The following MFHAS1 variants were observed in gnomAD, a reference collection of about 807,000 sequenced individuals.
MFHAS1 encodes the protein malignant fibrous histiocytoma-amplified sequence 1.
MFHAS1 carries 50 observed loss-of-function variants against 70.4 expected under a neutral mutation model. The ratio of observed to expected loss-of-function variants is 0.71; its 90% CI spans 0.57 to 0.90. MFHAS1 has a LOEUF of 0.90. MFHAS1 is among the 40% of genes least tolerant of loss of function. The pLI is 0.00. For synonymous variants in MFHAS1, 952 were observed against 620.0 expected, an observed-to-expected ratio of 1.54 and a Z score of -7.96; for missense variants, 1,795 against 1,347.6, an observed-to-expected ratio of 1.33 and a Z score of -5.20.
intron 1 of MFHAS1, among the ~76,000 whole-genome samples, chr8:8,834,066 C>A (rs949084326): frequency 9.9e-5 from 15 of 152,030 alleles, no homozygotes; most frequent in African/African-American, 3.4e-4. Flanking sequence ...GCGGAGGCTG[C>A]AGTGAGCCAA....
At position 8,876,472 on chromosome 8, in the gene MFHAS1, T is replaced by A. The variant is rs143933709; in HGVS notation, c.2998+13589A>T. Among the ~76,000 whole-genome samples the A allele has an allele frequency of 1.8e-3, 277 of 152,156 alleles. 1 individual carries two copies. Among genetic ancestry groups the A allele is most frequent in the African/African-American group, 6.5e-3 (270 of 41,554 alleles). On this transcript the variant is annotated intron_variant, in intron 1 of 2. Coordinates refer to ENST00000276282, the MANE Select transcript of MFHAS1 (RefSeq NM_004225.3). ...GTTGTCGGCCGGGCGTGGTGGCACA[T>A]GCCTATAATCCCAGCACTTTGGGAG...
chr8:8,815,950 G>C (rs188534286), intron 1 of MFHAS1, among the ~76,000 whole-genome samples: 1 of 152,266 alleles, frequency 6.6e-6, no homozygotes, highest in East Asian at 1.9e-4. Flanking sequence ...TGGCATATTC[G>C]TACAATAGAC....
chr8:8,799,843 C>A lies in MFHAS1; in HGVS notation c.2999-2352G>T, dbSNP rs184033442. On this transcript the variant is annotated intron_variant, in intron 1 of 2. Transcript: ENST00000276282. The stretch of plus-strand genomic sequence containing the variant: ...CTGATAGCGCAGGCCCATATCAGCA[C>A]TGGGCCTGCAGTTTTAAATGTACAC... Among the ~76,000 whole-genome samples, 310 of 152,338 alleles carry A rather than the reference C, an allele frequency of 2.0e-3. 1 individual carries two copies. The highest frequency in any genetic ancestry group is 2.7e-3 in the Admixed American group (41 of 15,310).
At chr8:8,827,541 C>T (rs1807207874) in intron 1 of MFHAS1, among the ~76,000 whole-genome samples, 3 of 152,250 alleles carry the variant, frequency 2.0e-5, no homozygotes, top group Non-Finnish European at 4.4e-5. Flanking sequence ...AAGCTCACTT[C>T]TAGCAATGAA....
Position 8,891,038 on chromosome 8 carries a change from G to A in MFHAS1, c.2021C>T (p.Pro674Leu). The A allele has an allele frequency of 2.5e-6, 4 of 1,613,752 alleles. No homozygotes were observed. Among genetic ancestry groups the A allele is most frequent in the South Asian group, 2.2e-5 (2 of 91,038 alleles). Residue 674 changes from proline to leucine, a missense_variant, in exon 1 of 3, where the codon CCT becomes CTT. Pro to Leu is a moderately conservative substitution (Grantham distance 98, BLOSUM62 -3). Transcript: ENST00000276282. This position sits in a 1 kb window ranked among gnomAD's most constrained non-coding sequence, Gnocchi z 5.4. ...QVLEELHFQP[P>L]QAQRLWLSWW... ...GCTTAGCCACAGTCGCTGGGCCTGA[G>A]GTGGCTGGAAATGCAGTTCCTCCAG...
At chr8:8,824,724 G>A (rs192999626) in intron 1 of MFHAS1, among the ~76,000 whole-genome samples, 8 of 152,254 alleles carry the variant, frequency 5.3e-5, no homozygotes, top group East Asian at 3.9e-4. Context: ...TGGGTTTAGC[G>A]GTCAGAAGCC....
intron 1 of MFHAS1, among the ~76,000 whole-genome samples, chr8:8,863,951 C>A (rs543441709): frequency 1.3e-5 from 2 of 152,224 alleles, no homozygotes; most frequent in Non-Finnish European, 2.9e-5. Context: ...AGACCCTTCA[C>A]CCATTATGGC....
At chr8:8,878,505 T>C (rs528491879) in intron 1 of MFHAS1, among the ~76,000 whole-genome samples, 26 of 152,248 alleles carry the variant, frequency 1.7e-4, no homozygotes, top group African/African-American at 6.3e-4. Context: ...ATAGGGAGAC[T>C]GATGTGATGA....
At chr8:8,888,209 ACG>A (rs1234358762) in intron 1 of MFHAS1, among the ~76,000 whole-genome samples, 1 of 152,226 alleles carries the variant, frequency 6.6e-6, no homozygotes, top group East Asian at 1.9e-4. Flanking sequence ...GTAACTGAAT[ACG>A]CTGGCTTTTT....
chr8:8,796,238 C>T (rs1805889192), intron 2 of MFHAS1, among the ~76,000 whole-genome samples: 1 of 152,104 alleles, frequency 6.6e-6, no homozygotes, highest in South Asian at 2.1e-4. Context: ...AAGGTGGTGG[C>T]AAACTGCACA....
chr8:8,799,648 C>A (rs1424335047), intron 1 of MFHAS1, among the ~76,000 whole-genome samples: 1 of 152,088 alleles, frequency 6.6e-6, no homozygotes, highest in East Asian at 1.9e-4. Context: ...CTCAGGTATT[C>A]GGGAGGCTGA....
Position 8,846,363 on chromosome 8 carries a change from GAGA to G in MFHAS1, c.2998+43695_2998+43697del, listed in dbSNP as rs149285476. Among the ~76,000 whole-genome samples the G allele has an allele frequency of 4.3e-3, 561 of 131,856 alleles. 10 individuals carry two copies. The highest frequency in any genetic ancestry group is 0.013 in the Admixed American group (173 of 12,986). 86.5% of individuals were successfully genotyped at this position (131,856 alleles called of 152,430 possible). On this transcript the variant is annotated intron_variant, in intron 1 of 2. Coordinates refer to ENST00000276282, the MANE Select transcript of MFHAS1 (RefSeq NM_004225.3). Reference sequence around the variant, plus strand: ...GGAGGAGGGGGAGGAGGGGGAGGAGGAGAAGGAGAAGGAGAAGAAAATGACCAC... The same window carrying G: ...GGAGGAGGGGGAGGAGGGGGAGGAGGAGGAGAAGGAGAAGAAAATGACCAC...
Position 8,892,832 on chromosome 8 carries a change from T to C in MFHAS1, c.227A>G (p.Glu76Gly), listed in dbSNP as rs760985046. ...EALNLGNNGL[E>G]EVPEGLGSAL... ...CGACCCCAGCCCCTCGGGTACCTCC[T>C]CCAGGCCGTTGTTCCCCAGGTTCAG... The change falls in exon 1 of 3, where the codon GAG (glutamate) becomes GGG (glycine). Residue 76 changes from glutamate to glycine, a missense_variant. Physicochemically the swap from Glu to Gly is moderately conservative, Grantham distance 98. Coordinates refer to ENST00000276282, the MANE Select transcript of MFHAS1 (RefSeq NM_004225.3). This position sits in a 1 kb window ranked among gnomAD's most constrained non-coding sequence, Gnocchi z 4.7. 9 of 1,595,020 alleles carry C rather than the reference T, an allele frequency of 5.6e-6. No individual in the cohort carries two copies. Among genetic ancestry groups the C allele is most frequent in the Non-Finnish European group, 7.7e-6 (9 of 1,171,426 alleles).
chr8:8,881,983 CA>C (rs1563218917), intron 1 of MFHAS1, among the ~76,000 whole-genome samples: 1 of 152,170 alleles, frequency 6.6e-6, no homozygotes, highest in African/African-American at 2.4e-5. Flanking sequence ...ACTCTTCCCC[CA>C]TTTCTGTAAG....
intron 2 of MFHAS1, among the ~76,000 whole-genome samples, chr8:8,794,845 A>AC (rs1805837504): frequency 6.6e-6 from 1 of 152,140 alleles, no homozygotes; most frequent in Admixed American, 6.5e-5. Flanking sequence ...ACCGCCGCTT[A>AC]CCCATGACTT....
chr8:8,804,904 G>C (rs76468182), intron 1 of MFHAS1, among the ~76,000 whole-genome samples: 3 of 152,166 alleles, frequency 2.0e-5, no homozygotes, highest in Non-Finnish European at 1.5e-5. Flanking sequence ...GGCAGAAGAC[G>C]ATCGTCCTGA....
At chr8:8,815,714 G>A (rs773739713) in intron 1 of MFHAS1, among the ~76,000 whole-genome samples, 4 of 152,056 alleles carry the variant, frequency 2.6e-5, no homozygotes, top group Non-Finnish European at 5.9e-5. Context: ...AGGATGTGGG[G>A]GAACTGGAAC....
intron 1 of MFHAS1, among the ~76,000 whole-genome samples, chr8:8,849,064 CTTTTTTTTTTTTTTTTTTTTT>C (rs145250762): frequency 1.2e-4 from 9 of 75,770 alleles, no homozygotes; most frequent in Admixed American, 4.5e-4. Flanking sequence ...TCCTTTTTAC[CTTTTTTTTTTTTTTTTTTTTT>C]TTTTTTTTTT....
At chr8:8,830,550 A>G (rs1338018974) in intron 1 of MFHAS1, among the ~76,000 whole-genome samples, 1 of 152,310 alleles carries the variant, frequency 6.6e-6, no homozygotes, top group East Asian at 1.9e-4. Context: ...TTTTACAGGA[A>G]AGGAAACATG....
Sources: gnomAD v4.1 joint callset for allele counts (sites outside exome capture counted in the v4.1 genomes callset) on GRCh38, gnomAD v4.1.1 for gene constraint, Gnocchi (gnomAD v3.1) non-coding constraint, MANE v1.5 for transcripts, NCBI Gene and HGNC (gene_info 2026-07-23, HGNC 2026-07-21) for gene names.